The following ZFYVE9 variants were observed in gnomAD, a reference collection of about 807,000 sequenced individuals.
The protein encoded by ZFYVE9 is zinc finger FYVE-type containing 9.
In ZFYVE9, 43 loss-of-function variants were observed where a neutral mutation model predicts 126.7. That is an observed-to-expected ratio of 0.34 (90% CI 0.27 to 0.44). The LOEUF (loss-of-function observed/expected upper bound fraction) is 0.44. Among genes scored for constraint, ZFYVE9 ranks in the 20% least tolerant of loss-of-function variants. The pLI is 1.00. For missense variants in ZFYVE9, 1,476 were observed against 1,697.0 expected (o/e 0.87, Z 2.29); for synonymous variants, 521 against 597.4 (o/e 0.87, Z 1.87).
intron 13 of ZFYVE9, among the ~76,000 whole-genome samples, chr1:52,321,030 G>A (rs979394859): frequency 1.3e-5 from 2 of 152,120 alleles, no homozygotes; most frequent in Non-Finnish European, 2.9e-5. Context: ...CAAAAAGATA[G>A]GAATAGAGAA....
At chr1:52,312,172 G>A (rs751438313) in intron 13 of ZFYVE9, among the ~76,000 whole-genome samples, 7 of 152,110 alleles carry the variant, frequency 4.6e-5, no homozygotes, top group Non-Finnish European at 1.0e-4. Context: ...TCCCAATATA[G>A]CTAAATTCCC....
At chr1:52,345,076 G>A in intron 18 of ZFYVE9, 132 bp downstream of exon 18, 1 of 983,128 alleles carries the variant, frequency 1.0e-6, no homozygotes, top group Non-Finnish European at 1.5e-6. Context: ...AGTGTTTTTG[G>A]CCCTCTCTTT....
chr1:52,181,408 G>A (rs1644701643), intron 1 of ZFYVE9, among the ~76,000 whole-genome samples: 2 of 152,214 alleles, frequency 1.3e-5, no homozygotes. Context: ...AGGCTGGAGT[G>A]CAGTGGCGTG....
chr1:52,219,081 T>C (rs1366666500), intron 2 of ZFYVE9, among the ~76,000 whole-genome samples: 2 of 151,884 alleles, frequency 1.3e-5, no homozygotes, highest in Admixed American at 6.6e-5. Context: ...CCAGATAATA[T>C]CTCCCCAACT....
chr1:52,296,750 A>C (rs1427998095), intron 12 of ZFYVE9, among the ~76,000 whole-genome samples: 8 of 152,176 alleles, frequency 5.3e-5, no homozygotes, highest in Admixed American at 3.9e-4. Context: ...AACCACCGAG[A>C]TTACCACTTT....
chr1:52,282,943 T>C (rs903363602), intron 10 of ZFYVE9, among the ~76,000 whole-genome samples: 9 of 152,202 alleles, frequency 5.9e-5, no homozygotes, highest in African/African-American at 2.2e-4. Context: ...TGATGTAGAT[T>C]ATGCGTAAAA....
chr1:52,180,068 A>G, intron 1 of ZFYVE9: 1 of 846,826 alleles, frequency 1.2e-6, no homozygotes, highest in Non-Finnish European at 2.1e-6. Flanking sequence ...GACAGCAGAG[A>G]CTGGCTGAGT....
chr1:52,287,789 C>T (rs1177340495), intron 10 of ZFYVE9, among the ~76,000 whole-genome samples: 1 of 151,998 alleles, frequency 6.6e-6, no homozygotes, highest in Non-Finnish European at 1.5e-5. Context: ...TCCTTGAGCC[C>T]AGGAGTTTTT....
intron 10 of ZFYVE9, among the ~76,000 whole-genome samples, chr1:52,291,056 A>G (rs1645914821): frequency 6.6e-6 from 1 of 152,216 alleles, no homozygotes; most frequent in African/African-American, 2.4e-5. Context: ...TGCTACGTTG[A>G]TATGACAATT....
chr1:52,317,124 A>G (rs2147855294), intron 13 of ZFYVE9, among the ~76,000 whole-genome samples: 1 of 152,362 alleles, frequency 6.6e-6, no homozygotes, highest in East Asian at 1.9e-4. Flanking sequence ...GGAAAATTAT[A>G]AAATATTTTG....
chr1:52,251,614 G>A (rs1466370457), intron 4 of ZFYVE9, among the ~76,000 whole-genome samples: 1 of 151,926 alleles, frequency 6.6e-6, no homozygotes, highest in African/African-American at 2.4e-5. Flanking sequence ...ATTTTCTTGA[G>A]TTTTGTATCA....
chr1:52,268,896 T>G (rs1238813527), intron 7 of ZFYVE9, among the ~76,000 whole-genome samples: 7 of 152,192 alleles, frequency 4.6e-5, no homozygotes, highest in Non-Finnish European at 1.0e-4. Flanking sequence ...AGTCGGGCTG[T>G]GGGGAATTCT....
At position 52,161,326 on chromosome 1, in the gene ZFYVE9, A is replaced by G. The variant is rs549641929; in HGVS notation, c.-143+18923A>G. ...TTTTTTGGAGACAGAGTCTTGCTCTATCACCCAGGCTGGAGTGCAGTGGCG... is the reference window on the plus strand; with the variant it reads ...TTTTTTGGAGACAGAGTCTTGCTCTGTCACCCAGGCTGGAGTGCAGTGGCG... On this transcript the variant is annotated intron_variant, in intron 1 of 18. Transcript: ENST00000287727. Among the ~76,000 whole-genome samples, 4 of 152,250 alleles carry G rather than the reference A, an allele frequency of 2.6e-5. No homozygotes were observed. In the South Asian group the frequency reaches 6.2e-4, roughly 24 times the overall value.
intron 3 of ZFYVE9, among the ~76,000 whole-genome samples, chr1:52,234,170 C>T (rs1254354072): frequency 6.6e-6 from 1 of 152,202 alleles, no homozygotes; most frequent in African/African-American, 2.4e-5. Flanking sequence ...TTTCTTCCTC[C>T]TCACCGTTCT....
At chr1:52,271,924 C>T (rs1173162061) in intron 7 of ZFYVE9, among the ~76,000 whole-genome samples, 1 of 152,164 alleles carries the variant, frequency 6.6e-6, no homozygotes, top group Non-Finnish European at 1.5e-5. Context: ...ACTGCAACCT[C>T]CGCCTCCTGG....
rs757060972 is a variant in ZFYVE9 at position 52,346,272 on chromosome 1, T to C, written c.*51T>C. 4.3e-6 allele frequency: 6 copies of C among 1,406,644 alleles called. No homozygotes were observed. Among genetic ancestry groups the C allele is most frequent in the South Asian group, 1.5e-5 (1 of 68,930 alleles). 87.1% of individuals were successfully genotyped at this position (1,406,644 alleles called of 1,614,324 possible). On this transcript the variant is annotated 3_prime_UTR_variant, in exon 19 of 19. Transcript: ENST00000287727. Reference sequence around the variant, plus strand: ...TTCAGACTTGTTGCAACAGCAGTCATACCCAAATCATTTGCACTTTAAAAC... The same window carrying C: ...TTCAGACTTGTTGCAACAGCAGTCACACCCAAATCATTTGCACTTTAAAAC...
chr1:52,145,444 C>T (rs1021726934), intron 1 of ZFYVE9, among the ~76,000 whole-genome samples: 1 of 152,198 alleles, frequency 6.6e-6, no homozygotes, highest in East Asian at 1.9e-4. Flanking sequence ...AAAGATATGG[C>T]GTATATATGT....
rs141278089 is a variant in ZFYVE9 at position 52,294,234 on chromosome 1, G to A, written c.3250+557G>A. On this transcript the variant is annotated intron_variant, in intron 11 of 18. Coordinates refer to ENST00000287727, the MANE Select transcript of ZFYVE9 (RefSeq NM_004799.4). ...TAAAAGTGCCCTGTGCTAGGAATCCGACCACTTGAGTAAGATTCTCAACTC... is the reference window on the plus strand; with the variant it reads ...TAAAAGTGCCCTGTGCTAGGAATCCAACCACTTGAGTAAGATTCTCAACTC... Among the ~76,000 whole-genome samples, 176 of 152,248 alleles carry A rather than the reference G, an allele frequency of 1.2e-3. 1 individual carries two copies. The highest frequency in any genetic ancestry group is 4.2e-3 in the African/African-American group (174 of 41,548).
chr1:52,187,264 A>G lies in ZFYVE9; in HGVS notation c.-142-29105A>G, dbSNP rs149311406. Among the ~76,000 whole-genome samples, 242 of 152,338 alleles carry G rather than the reference A, an allele frequency of 1.6e-3. 2 individuals carry two copies. Among genetic ancestry groups the G allele is most frequent in the African/African-American group, 5.3e-3 (221 of 41,582 alleles). ...GGTGCTGGGATAACTGGCTAGCCAT[A>G]TGCAGAAGATTGAAGCTGGACCCCT... On this transcript the variant is annotated intron_variant, in intron 1 of 18. Coordinates refer to ENST00000287727, the MANE Select transcript of ZFYVE9 (RefSeq NM_004799.4).
Sources: allele counts gnomAD v4.1 joint callset (sites outside exome capture counted in the v4.1 genomes callset), GRCh38; gene constraint gnomAD v4.1.1; transcripts MANE v1.5; gene names NCBI Gene and HGNC (gene_info 2026-07-23, HGNC 2026-07-21).